Variants in MAGI2 observed in about 807,000 individuals in gnomAD.
MAGI2 encodes membrane-associated guanylate kinase, WW and PDZ domain-containing protein 2.
MAGI2 carries 35 observed loss-of-function variants against 133.3 expected under a neutral mutation model. The ratio of observed to expected loss-of-function variants is 0.26; its 90% CI spans 0.20 to 0.35. The LOEUF is 0.35. Among genes scored for constraint, MAGI2 ranks in the 10% least tolerant of loss-of-function variants. The pLI is 1.00. For missense variants in MAGI2, 1,636 were observed against 1,863.4 expected (o/e 0.88, Z 2.25); for synonymous variants, 729 against 710.6 (o/e 1.03, Z -0.41).
At chr7:78,038,336 C>T (rs1313932993) in intron 21 of MAGI2, among the ~76,000 whole-genome samples, 1 of 152,126 alleles carries the variant, frequency 6.6e-6, no homozygotes, top group Admixed American at 6.5e-5. Context: ...GTATATTTCA[C>T]ATATATGTAA....
chr7:78,677,602 T>C lies in MAGI2; in HGVS notation c.419-50363A>G, dbSNP rs908279894. ...AGGCATTACATGCAAGGCTTTGTGT[T>C]TGATGACCATGACTGGCATTTGCAA... On this transcript the variant is annotated intron_variant, in intron 2 of 21. Coordinates refer to ENST00000354212, the MANE Select transcript of MAGI2 (RefSeq NM_012301.4). Among the ~76,000 whole-genome samples, 9 of 152,096 alleles carry C rather than the reference T, an allele frequency of 5.9e-5. No individual in the cohort carries two copies. In the East Asian group the frequency reaches 1.7e-3, roughly 29 times the overall value.
intron 2 of MAGI2, among the ~76,000 whole-genome samples, chr7:78,695,836 C>A (rs941297690): frequency 6.6e-6 from 1 of 152,148 alleles, no homozygotes; most frequent in African/African-American, 2.4e-5. Context: ...TTTCTGCTGC[C>A]CCATCAGGAG....
At chr7:78,781,734 T>C (rs1267799445) in intron 2 of MAGI2, among the ~76,000 whole-genome samples, 2 of 152,144 alleles carry the variant, frequency 1.3e-5, no homozygotes, top group Non-Finnish European at 2.9e-5. Flanking sequence ...ATAATGCTTT[T>C]ATAATAGAAG....
rs567048131 is a variant in MAGI2, at chr7:79,253,756, C to G, written c.301+199264G>C. On this transcript the variant is annotated intron_variant, in intron 1 of 21. Coordinates refer to ENST00000354212, the MANE Select transcript of MAGI2 (RefSeq NM_012301.4). ...AGAAGTAAAAATTTAAAAATCCTCT[C>G]TAACTCCTTTTCCTCTCCCAGAAAC... is the stretch of plus-strand genomic sequence containing the variant. 4.6e-5 allele frequency among the ~76,000 whole-genome samples: 7 copies of G among 152,302 alleles called. No homozygotes were observed. The East Asian group carries it at 1.3e-3, about 29-fold the overall frequency.
intron 3 of MAGI2, among the ~76,000 whole-genome samples, chr7:78,597,336 G>T (rs1584784864): frequency 6.8e-6 from 1 of 146,264 alleles, no homozygotes; most frequent in East Asian, 2.2e-4. Flanking sequence ...AATAATTTTT[G>T]TGAAAATACA....
intron 1 of MAGI2, among the ~76,000 whole-genome samples, chr7:79,044,486 G>A (rs1026215943): frequency 6.6e-6 from 1 of 152,090 alleles, no homozygotes; most frequent in Non-Finnish European, 1.5e-5. Flanking sequence ...TATTGAATGG[G>A]CAAAAGTTGA....
Position 79,406,890 on chromosome 7 carries a change from G to T in MAGI2, c.301+46130C>A, listed in dbSNP as rs13234776. Among the ~76,000 whole-genome samples, 36 of 152,178 alleles carry T rather than the reference G, an allele frequency of 2.4e-4. No homozygotes were observed. In the East Asian group the frequency reaches 6.0e-3, roughly 25 times the overall value. On this transcript the variant is annotated intron_variant, in intron 1 of 21. Transcript: ENST00000354212. ...AATTTTCCAGAAGTGTCTATTAAAG[G>T]CAGGACTGAGGTGAGGATTTATGGG...
intron 2 of MAGI2, among the ~76,000 whole-genome samples, chr7:78,735,409 G>C (rs1289826435): frequency 1.3e-5 from 2 of 152,056 alleles, no homozygotes; most frequent in Non-Finnish European, 2.9e-5. Context: ...TATGAGATAG[G>C]AAAAAATAAA....
In MAGI2 at chr7:78,135,047, A is replaced by G. The variant is rs1821969450; in HGVS notation, c.3005T>C (p.Val1002Ala). The G allele has an allele frequency of 6.2e-7, 1 of 1,614,154 alleles. No individual in the cohort carries two copies. Among genetic ancestry groups the G allele is most frequent in the Non-Finnish European group, 8.5e-7 (1 of 1,180,016 alleles). Residue 1002 changes from valine (V) to alanine (A), a missense_variant, in exon 17 of 22, where the codon GTC becomes GCC. Coordinates refer to ENST00000354212, the MANE Select transcript of MAGI2 (RefSeq NM_012301.4). Reference sequence around the variant, plus strand: ...CTCCTGAGGAATGATGCGAAGGGTGACACTAAGACCTGCATCCTTGATGAG... The same window carrying G: ...CTCCTGAGGAATGATGCGAAGGGTGGCACTAAGACCTGCATCCTTGATGAG... ...VKLIKDAGLS[V>A]TLRIIPQEEL... is the part of the protein sequence containing the mutation.
At chr7:78,060,463 A>G (rs1813124651) in intron 21 of MAGI2, among the ~76,000 whole-genome samples, 1 of 152,270 alleles carries the variant, frequency 6.6e-6, no homozygotes, top group South Asian at 2.1e-4. Context: ...TAAGCACTGT[A>G]CAAAGAACCT....
intron 20 of MAGI2, among the ~76,000 whole-genome samples, chr7:78,085,129 CAT>C (rs1396075347): frequency 1.3e-5 from 2 of 152,162 alleles, no homozygotes; most frequent in African/African-American, 4.8e-5. Context: ...AACTGAAACA[CAT>C]GTTTGAGAGC....
intron 2 of MAGI2, among the ~76,000 whole-genome samples, chr7:78,864,431 C>A (rs1794391034): frequency 6.6e-6 from 1 of 152,296 alleles, no homozygotes; most frequent in Non-Finnish European, 1.5e-5. Flanking sequence ...GAATTGGCAT[C>A]CAAATAAATG....
intron 1 of MAGI2, among the ~76,000 whole-genome samples, chr7:79,433,667 G>A (rs1336886527): frequency 6.6e-6 from 1 of 152,086 alleles, no homozygotes; most frequent in African/African-American, 2.4e-5. Flanking sequence ...ATACAGTCTA[G>A]CTGGTATTGC....
At chr7:78,991,301 C>A (rs1223841509) in intron 2 of MAGI2, among the ~76,000 whole-genome samples, 1 of 144,766 alleles carries the variant, frequency 6.9e-6, no homozygotes, top group Non-Finnish European at 1.5e-5. Flanking sequence ...TGAGAATGGA[C>A]TAATAGACAC....
Position 78,167,836 on chromosome 7 carries a change from T to A in MAGI2, c.2596+80A>T. 3.0e-6 allele frequency: 4 copies of A among 1,321,518 alleles called. No individual in the cohort carries two copies. In the South Asian group the frequency reaches 6.4e-5, roughly 21 times the overall value. 81.9% of individuals were successfully genotyped at this position (1,321,518 alleles called of 1,614,324 possible). A position where few individuals can be genotyped will look rare whatever the true frequency, so the allele number is the denominator to read the frequency against. ...ATGTAGAAATGGATTTAAAATTTTGTTTCATGTGGCCTTACCATGTCTCAC... is the reference window on the plus strand; with the variant it reads ...ATGTAGAAATGGATTTAAAATTTTGATTCATGTGGCCTTACCATGTCTCAC... On this transcript the variant is annotated intron_variant, in intron 15 of 21. Coordinates refer to ENST00000354212, the MANE Select transcript of MAGI2 (RefSeq NM_012301.4).
rs577701357 is a variant in MAGI2 at position 78,457,421 on chromosome 7, G to A, written c.1045+32340C>T. Among the ~76,000 whole-genome samples the A allele has an allele frequency of 2.0e-5, 3 of 152,264 alleles. No homozygotes were observed. The South Asian group carries it at 6.2e-4, about 32-fold the overall frequency. On this transcript the variant is annotated intron_variant, in intron 6 of 21. Transcript: ENST00000354212. The stretch of plus-strand genomic sequence containing the variant: ...TGGAAACCAGAATCTACCATTTACT[G>A]GCTGATGGACCTTTGAACAAGATAT...
intron 1 of MAGI2, among the ~76,000 whole-genome samples, chr7:79,261,364 T>C (rs1478430298): frequency 2.0e-5 from 3 of 152,212 alleles, no homozygotes; most frequent in Non-Finnish European, 4.4e-5. Flanking sequence ...GCCTCACAAA[T>C]TGCTTGAATC....
At chr7:78,726,046 T>C (rs1820774464) in intron 2 of MAGI2, among the ~76,000 whole-genome samples, 2 of 152,278 alleles carry the variant, frequency 1.3e-5, no homozygotes, top group East Asian at 1.9e-4. Context: ...AAATGTTAAA[T>C]TGAAGTTAAT....
At chr7:78,763,473 T>A (rs913991722) in intron 2 of MAGI2, among the ~76,000 whole-genome samples, 1 of 152,180 alleles carries the variant, frequency 6.6e-6, no homozygotes, top group African/African-American at 2.4e-5. Flanking sequence ...TAGCACACAC[T>A]GAGAGAGTAA....
Sources: gnomAD v4.1 joint callset for allele counts (sites outside exome capture counted in the v4.1 genomes callset) on GRCh38, gnomAD v4.1.1 for gene constraint, MANE v1.5 for transcripts, NCBI Gene and HGNC (gene_info 2026-07-23, HGNC 2026-07-21) for gene names.